The following DOCK3 variants were observed in gnomAD, a reference collection of about 807,000 sequenced individuals.
DOCK3 encodes dedicator of cytokinesis protein 3.
Under a neutral mutation model 265.6 loss-of-function variants are expected in DOCK3, and 60 were observed. The observed-to-expected ratio is 0.23, with a 90% CI of 0.18 to 0.28. DOCK3 has a LOEUF of 0.28. Among genes scored for constraint, DOCK3 ranks in the 10% least tolerant of loss-of-function variants. The probability of loss-of-function intolerance (pLI) is 1.00; values close to 1 mark genes in which losing one functional copy is unlikely to be tolerated. For missense variants in DOCK3, 1,981 were observed against 2,594.3 expected, an observed-to-expected ratio of 0.76 and a Z score of 5.14; for synonymous variants, 881 against 938.0, an observed-to-expected ratio of 0.94 and a Z score of 1.11.
At chr3:51,195,187 T>C (rs1167863793) in intron 12 of DOCK3, among the ~76,000 whole-genome samples, 1 of 152,178 alleles carries the variant, frequency 6.6e-6, no homozygotes, top group Non-Finnish European at 1.5e-5. Context: ...TCAGCCATTC[T>C]GTATCTGCAA....
chr3:50,720,791 T>C (rs1366784560), intron 1 of DOCK3, among the ~76,000 whole-genome samples: 2 of 152,242 alleles, frequency 1.3e-5, no homozygotes, highest in Non-Finnish European at 1.5e-5. Context: ...TCTTCCACAA[T>C]GGCTGAACCA....
intron 1 of DOCK3, among the ~76,000 whole-genome samples, chr3:50,745,411 C>T (rs1394554818): frequency 6.6e-6 from 1 of 152,254 alleles, no homozygotes; most frequent in South Asian, 2.1e-4. Context: ...GTTATTTTAA[C>T]AATAAGTCTT....
chr3:50,976,312 C>A lies in DOCK3; in HGVS notation c.315+42235C>A, dbSNP rs9826199. ...TAAATTTCCCACTACACACTGCTTT[C>A]AATGTGTCCCAGAGATTCTGGTATG... On this transcript the variant is annotated intron_variant, in intron 5 of 52. Coordinates refer to ENST00000266037, the MANE Select transcript of DOCK3 (RefSeq NM_004947.5). 2.0e-3 allele frequency among the ~76,000 whole-genome samples: 239 copies of A among 121,570 alleles called. 3 individuals are homozygous for A. Among genetic ancestry groups the A allele is most frequent in the African/African-American group, 6.9e-3 (226 of 32,690 alleles). 79.8% of individuals were successfully genotyped at this position (121,570 alleles called of 152,430 possible).
intron 5 of DOCK3, among the ~76,000 whole-genome samples, chr3:51,024,154 T>A (rs1484094120): frequency 2.0e-5 from 3 of 152,174 alleles, no homozygotes; most frequent in Admixed American, 6.5e-5. Flanking sequence ...AGTTCCTTTG[T>A]TATAGAAAGT....
intron 27 of DOCK3, among the ~76,000 whole-genome samples, chr3:51,288,889 TGTGTGTGTGTGTGG>T (rs1433291414): frequency 6.7e-6 from 1 of 149,032 alleles, no homozygotes; most frequent in African/African-American, 2.6e-5. Flanking sequence ...TGTGTGGGTG[TGTGTGTGTGTGTGG>T]GTGTGTGTGT....
intron 38 of DOCK3, among the ~76,000 whole-genome samples, chr3:51,348,502 A>G (rs953702690): frequency 2.6e-5 from 4 of 152,216 alleles, no homozygotes; most frequent in African/African-American, 9.7e-5. Flanking sequence ...TCTGTTTCTC[A>G]TCTGATTGAG....
chr3:50,978,342 T>G (rs1399436424), intron 5 of DOCK3, among the ~76,000 whole-genome samples: 2 of 152,016 alleles, frequency 1.3e-5, no homozygotes, highest in Non-Finnish European at 2.9e-5. Context: ...TCCTTTCTGT[T>G]TGTTAGTTTT....
chr3:50,694,847 AAAAC>A (rs1010910184), intron 1 of DOCK3, among the ~76,000 whole-genome samples: 4 of 152,164 alleles, frequency 2.6e-5, no homozygotes, highest in Admixed American at 6.5e-5. Context: ...GAAAAACAAA[AAAAC>A]AAACAAAAAG....
Position 51,075,416 on chromosome 3 carries a change from T to G in DOCK3, c.525T>G (p.Ile175Met), listed in dbSNP as rs2082025413. The G allele has an allele frequency of 6.2e-7, 1 of 1,610,428 alleles. No individual in the cohort carries two copies. Among genetic ancestry groups the G allele is most frequent in the Non-Finnish European group, 8.5e-7 (1 of 1,178,440 alleles). ...KDFEVVDSDQ[I>M]SVSDLYKMHL... ...TTGAAGTAGTGGACTCGGACCAGAT[T>G]AGTGTCTCAGATCTCTATAAGATGG... Residue 175 changes from isoleucine (I) to methionine (M), a missense_variant, in exon 7 of 53, where the codon ATT becomes ATG. By Grantham distance (10) the Ile-to-Met change is conservative. Around this residue, in one of 4 missense-constraint regions of DOCK3, gnomAD observed 456 missense variants for 539.0 expected, o/e 0.85. Transcript: ENST00000266037.
intron 1 of DOCK3, among the ~76,000 whole-genome samples, chr3:50,679,160 G>T (rs990736698): frequency 2.0e-5 from 3 of 151,970 alleles, no homozygotes; most frequent in Admixed American, 2.0e-4. Context: ...TTTTTTTAGT[G>T]ACATGGTCTT....
At chr3:51,362,770 C>G in intron 49 of DOCK3, 96 bp downstream of exon 49, 1 of 1,490,020 alleles carries the variant, frequency 6.7e-7, no homozygotes, top group Non-Finnish European at 9.0e-7. Context: ...CTTTGAGCAG[C>G]CCTGTGACTT....
At chr3:51,334,487 A>G (rs923747937) in intron 35 of DOCK3, among the ~76,000 whole-genome samples, 5 of 152,222 alleles carry the variant, frequency 3.3e-5, no homozygotes, top group African/African-American at 1.2e-4. Flanking sequence ...CAGGTGTCCA[A>G]TGCACTGGCC....
rs772466836 is a variant in DOCK3 at position 51,064,574 on chromosome 3, G to A, written c.442G>A (p.Val148Met). ...GCGGGAGGTTAAGCGGCACATCACC[G>A]TGCGCCTGGACTGGGGTAATGAGTA... Reference protein sequence around the residue: ...QVREVKRHITVRLDWGNEHLG... With the variant: ...QVREVKRHITMRLDWGNEHLG... Residue 148 changes from valine to methionine, a missense_variant, in exon 6 of 53, where the codon GTG becomes ATG. Val to Met is a conservative substitution (Grantham distance 21). Transcript: ENST00000266037. 3.3e-5 allele frequency: 53 copies of A among 1,613,756 alleles called. No homozygotes were observed. The highest frequency in any genetic ancestry group is 2.7e-4 in the East Asian group (12 of 44,880).
chr3:51,304,321 T>G (rs989064162), intron 27 of DOCK3, among the ~76,000 whole-genome samples: 1 of 151,726 alleles, frequency 6.6e-6, no homozygotes, highest in African/African-American at 2.4e-5. Context: ...GCTAATCATC[T>G]TAGGCAGCAG....
chr3:51,015,140 T>G (rs1387787210), intron 5 of DOCK3, among the ~76,000 whole-genome samples: 2 of 152,104 alleles, frequency 1.3e-5, no homozygotes, highest in Admixed American at 1.3e-4. Flanking sequence ...CTGGTCTAAT[T>G]GCTCCAGCTA....
At chr3:51,186,169 G>C (rs1477098154) in intron 12 of DOCK3, among the ~76,000 whole-genome samples, 1 of 152,166 alleles carries the variant, frequency 6.6e-6, no homozygotes, top group African/African-American at 2.4e-5. Flanking sequence ...TAGTGATATG[G>C]ACAATAAGGT....
chr3:50,792,496 T>G (rs912126223), intron 2 of DOCK3, among the ~76,000 whole-genome samples: 3 of 152,216 alleles, frequency 2.0e-5, no homozygotes, highest in Non-Finnish European at 4.4e-5. Flanking sequence ...CTATGTTGAC[T>G]AGGAGTGGTG....
intron 4 of DOCK3, chr3:50,901,610 G>A (rs987516610): frequency 6.6e-6 from 3 of 452,808 alleles, no homozygotes; most frequent in East Asian, 7.0e-5. Flanking sequence ...GTAGGCACCC[G>A]AGGGAATCTC....
At chr3:50,761,473 A>G (rs1439392288) in intron 1 of DOCK3, among the ~76,000 whole-genome samples, 1 of 152,176 alleles carries the variant, frequency 6.6e-6, no homozygotes, top group Non-Finnish European at 1.5e-5. Flanking sequence ...GGGCAGTGCT[A>G]CTTGAGGTTG....
Sources: allele counts gnomAD v4.1 joint callset (sites outside exome capture counted in the v4.1 genomes callset), GRCh38; gene constraint gnomAD v4.1.1; regional missense constraint gnomAD v4.1.1; transcripts MANE v1.5; gene names NCBI Gene and HGNC (gene_info 2026-07-23, HGNC 2026-07-21).